FH: variants seen among roughly 807,000 people sequenced by gnomAD.
The protein encoded by FH is fumarate hydratase, mitochondrial.
FH carries 22 observed loss-of-function variants against 49.4 expected under a neutral mutation model. The ratio of observed to expected loss-of-function variants is 0.45; its 90% CI spans 0.32 to 0.64. The LOEUF is 0.64. FH is among the 30% of genes least tolerant of loss of function. The probability of loss-of-function intolerance (pLI) is 0.05; values close to 1 mark genes in which losing one functional copy is unlikely to be tolerated. For synonymous variants in FH, 208 were observed against 223.0 expected, an observed-to-expected ratio of 0.93 and a Z score of 0.60; for missense variants, 526 against 641.5, an observed-to-expected ratio of 0.82 and a Z score of 1.95.
chr1:241,513,330 A>AT (rs1660137196), intron 3 of FH, among the ~76,000 whole-genome samples: 1 of 152,174 alleles, frequency 6.6e-6, no homozygotes, highest in African/African-American at 2.4e-5. Flanking sequence ...AGTTCAAATG[A>AT]TATCTTTTCA....
chr1:241,498,666 G>A (rs1427358046), intron 9 of FH, among the ~76,000 whole-genome samples: 1 of 129,934 alleles, frequency 7.7e-6, no homozygotes. Flanking sequence ...TAAAAGTGGG[G>A]GCAGGGCAGT....
At chr1:241,516,256 T>C (rs151290067) in intron 2 of FH, among the ~76,000 whole-genome samples, 1 of 152,116 alleles carries the variant, frequency 6.6e-6, no homozygotes, top group African/African-American at 2.4e-5. Context: ...AGACATGAAA[T>C]CAACCCAAAT....
intron 9 of FH, among the ~76,000 whole-genome samples, chr1:241,499,366 C>T (rs1659710830): frequency 6.6e-6 from 1 of 152,212 alleles, no homozygotes; most frequent in Admixed American, 6.5e-5. Context: ...TTTGGTAACA[C>T]ATTCTGAAGT....
rs1553342167 is a variant in FH at position 241,519,718 on chromosome 1, T to C, written c.5A>G (p.Tyr2Cys). 2.6e-6 allele frequency: 4 copies of C among 1,543,166 alleles called. No individual in the cohort carries two copies. Among genetic ancestry groups the C allele is most frequent in the African/African-American group, 1.4e-5 (1 of 72,522 alleles). M[Y>C]RALRLLARSR... ...GCGCGCGAGGAGCCGAAGTGCTCGG[T>C]ACATGGTGCTGAGGGAGCTTGGGTA... Residue 2 changes from tyrosine to cysteine, a missense_variant, in exon 1 of 10, where the codon TAC (tyrosine) becomes TGC (cysteine). Physicochemically the swap from Tyr to Cys is radical, Grantham distance 194. Coordinates refer to ENST00000366560, the MANE Select transcript of FH (RefSeq NM_000143.4).
intron 6 of FH, among the ~76,000 whole-genome samples, chr1:241,505,207 G>A (rs1334063129): frequency 2.0e-5 from 3 of 151,842 alleles, no homozygotes; most frequent in African/African-American, 4.8e-5. Context: ...CCCCATGTCC[G>A]GCCCCTAATA....
chr1:241,515,672 A>AG (rs1660194210), intron 2 of FH, among the ~76,000 whole-genome samples: 1 of 152,288 alleles, frequency 6.6e-6, no homozygotes, highest in South Asian at 2.1e-4. Flanking sequence ...AATATCTCAC[A>AG]GGATGAAGCC....
At chr1:241,519,280 C>A in intron 1 of FH, 1 of 329,652 alleles carries the variant, frequency 3.0e-6, no homozygotes, top group Admixed American at 5.4e-5. Flanking sequence ...AGCGAAGTTA[C>A]CTCAAAACGC....
intron 2 of FH, among the ~76,000 whole-genome samples, chr1:241,516,778 G>A (rs1008601967): frequency 6.6e-6 from 1 of 151,898 alleles, no homozygotes; most frequent in African/African-American, 2.4e-5. Context: ...TCAGCCTCCA[G>A]AGTAATTGGG....
At chr1:241,509,113 TAATA>T (rs776102217) in intron 4 of FH, among the ~76,000 whole-genome samples, 79 of 149,956 alleles carry the variant, frequency 5.3e-4, no homozygotes, top group Non-Finnish European at 1.0e-3. Flanking sequence ...ATCTGCCTGC[TAATA>T]AATGACAGCA....
Position 241,508,771 on chromosome 1 carries a change from A to C in FH, c.570T>G (p.Thr190=). ...CAGCAATGTGCATTGCTGTGGGAAA[A>C]GTATCATTTGAGCTCTGTTGGAAAT... is the stretch of plus-strand genomic sequence containing the variant. ...HVNKSQSSND[T]FPTAMHIAAA... is the part of the protein sequence containing the mutation. Residue 190 remains threonine (T), a synonymous_variant, in exon 5 of 10, where the codon ACT becomes ACG. Transcript: ENST00000366560. The C allele has an allele frequency of 6.2e-7, 1 of 1,613,742 alleles. No individual in the cohort carries two copies. The highest frequency in any genetic ancestry group is 8.5e-7 in the Non-Finnish European group (1 of 1,179,748).
At position 241,500,449 on chromosome 1, in the gene FH, T is replaced by C; in HGVS notation, c.1378A>G (p.Asn460Asp). Residue 460 changes from asparagine (N) to aspartate (D), a missense_variant, in exon 9 of 10, where the codon AAT becomes GAT. By Grantham distance (23) the Asn-to-Asp change is conservative. This residue lies in a region of FH where 383 missense variants were observed against 514.0 expected (regional missense o/e 0.75). Coordinates refer to ENST00000366560, the MANE Select transcript of FH (RefSeq NM_000143.4). ...CTTAAACACTTACCTATATGAGGATTGAGAGCTGTCACCAACATTAGAGAC... is the reference window on the plus strand; with the variant it reads ...CTTAAACACTTACCTATATGAGGATCGAGAGCTGTCACCAACATTAGAGAC... ...NESLMLVTALNPHIGYDKAAK... is the reference protein window; with the variant it reads ...NESLMLVTALDPHIGYDKAAK... 6.2e-7 allele frequency: 1 copy of C among 1,613,964 alleles called. No homozygotes were observed. The highest frequency in any genetic ancestry group is 8.5e-7 in the Non-Finnish European group (1 of 1,179,894).
intron 2 of FH, 27 bp from the exon 3 acceptor site, chr1:241,513,740 A>T (rs1373873153): frequency 1.3e-6 from 2 of 1,575,956 alleles, no homozygotes; most frequent in Non-Finnish European, 1.7e-6. Context: ...AAATATTTCA[A>T]ATTTACAATT....
Position 241,498,128 on chromosome 1 carries a change from T to A in FH, c.1391-158A>T, listed in dbSNP as rs116598415. On this transcript the variant is annotated intron_variant, in intron 9 of 9. Transcript: ENST00000366560. ...TAGTTAACAGTGATTATCTCAATAATCATTTTTTATGTAGAACATTTACTT... is the reference window on the plus strand; with the variant it reads ...TAGTTAACAGTGATTATCTCAATAAACATTTTTTATGTAGAACATTTACTT... 4.5e-3 allele frequency among the ~76,000 whole-genome samples: 685 copies of A among 152,272 alleles called. 5 individuals are homozygous for A. The highest frequency in any genetic ancestry group is 0.016 in the African/African-American group (648 of 41,542).
chr1:241,503,294 T>C (rs1360563270), intron 7 of FH, among the ~76,000 whole-genome samples: 5 of 152,208 alleles, frequency 3.3e-5, no homozygotes, highest in African/African-American at 1.2e-4. Flanking sequence ...TTTCATCTCT[T>C]CTTATTCTAC....
chr1:241,508,971 T>C (rs1274239773), intron 4 of FH, among the ~76,000 whole-genome samples, 186 bp from the exon 5 acceptor site: 1 of 151,822 alleles, frequency 6.6e-6, no homozygotes. Flanking sequence ...TCCTGGTTTC[T>C]AACACATACT....
rs779019570 is a variant in FH at position 241,506,093 on chromosome 1, G to T, written c.814C>A (p.Leu272Ile). ...IKAAMPRIYELAAGGTAVGTG... is the reference protein window; with the variant it reads ...IKAAMPRIYEIAAGGTAVGTG... ...CCAACAGCAGTGCCTCCAGCTGCGA[G>T]CTCATAGATTCTTGGCATGGCAGCT... Residue 272 changes from leucine to isoleucine, a missense_variant, in exon 6 of 10, where the codon CTC becomes ATC. Leu to Ile is a conservative substitution (Grantham distance 5, BLOSUM62 2). Around this residue, in one of 2 missense-constraint regions of FH, gnomAD observed 383 missense variants for 514.0 expected, o/e 0.75. Transcript: ENST00000366560. The T allele has an allele frequency of 1.4e-5, 23 of 1,613,818 alleles. No individual in the cohort carries two copies. The highest frequency in any genetic ancestry group is 1.9e-5 in the Non-Finnish European group (22 of 1,179,782).
intron 2 of FH, among the ~76,000 whole-genome samples, chr1:241,514,656 A>T (rs898154296): frequency 6.6e-6 from 1 of 152,210 alleles, no homozygotes; most frequent in African/African-American, 2.4e-5. Flanking sequence ...AAGAAAAGTA[A>T]GAAATAAGAC....
At chr1:241,511,524 G>A (rs1660082861) in intron 4 of FH, among the ~76,000 whole-genome samples, 1 of 151,658 alleles carries the variant, frequency 6.6e-6, no homozygotes, top group Non-Finnish European at 1.5e-5. Flanking sequence ...AAGAACATGA[G>A]TGGAAAAACT....
chr1:241,519,054 C>G (rs970380130), intron 1 of FH: 8 of 152,816 alleles, frequency 5.2e-5, no homozygotes, highest in African/African-American at 1.7e-4. Context: ...GAACCTTCTA[C>G]CCCACCTGGA....
Sources: allele counts gnomAD v4.1 joint callset (sites outside exome capture counted in the v4.1 genomes callset), GRCh38; gene constraint gnomAD v4.1.1; regional missense constraint gnomAD v4.1.1; transcripts MANE v1.5; gene names NCBI Gene and HGNC (gene_info 2026-07-23, HGNC 2026-07-21).